Variants in TOR1AIP2 observed in about 807,000 individuals in gnomAD.
The protein encoded by TOR1AIP2 is torsin 1A interacting protein 2, also known as torsin-1A-interacting protein 2.
A neutral mutation model predicts 32.6 loss-of-function variants in TOR1AIP2; 20 were observed. The ratio of observed to expected loss-of-function variants is 0.61; its 90% CI spans 0.43 to 0.89. The LOEUF is 0.89. TOR1AIP2 is among the 40% of genes least tolerant of loss of function. The pLI is 0.00. For synonymous variants in TOR1AIP2, 214 were observed against 210.8 expected (o/e 1.02, Z -0.13); for missense variants, 456 against 553.8 (o/e 0.82, Z 1.77).
Position 179,844,574 on chromosome 1 carries a change from A to G in TOR1AIP2, c.*1497T>C, listed in dbSNP as rs932011097. The G allele has an allele frequency of 4.9e-5, 7 of 141,676 alleles. No homozygotes were observed. Among genetic ancestry groups the G allele is most frequent in the African/African-American group, 2.0e-4 (7 of 35,370 alleles). 8.8% of individuals were successfully genotyped at this position (141,676 alleles called of 1,614,324 possible). A position where few individuals can be genotyped will look rare whatever the true frequency, so the allele number is the denominator to read the frequency against. On this transcript the variant is annotated 3_prime_UTR_variant, in exon 7 of 7. Coordinates refer to ENST00000609928, the MANE Select transcript of TOR1AIP2 (RefSeq NM_001199260.2). ...GTTCTGCTTTCAGAGCTCAAATGCTAATCAACTCTATCTCCATACAAACTG... is the reference window on the plus strand; with the variant it reads ...GTTCTGCTTTCAGAGCTCAAATGCTGATCAACTCTATCTCCATACAAACTG...
chr1:179,868,946 G>T (rs2148454619), intron 2 of TOR1AIP2: 1 of 152,426 alleles, frequency 6.6e-6, no homozygotes, highest in East Asian at 1.9e-4. Flanking sequence ...GAGTTCAAGT[G>T]ATTCTCTTGC....
At chr1:179,847,050 C>T (rs1695934588) in intron 6 of TOR1AIP2, among the ~76,000 whole-genome samples, 1 of 152,078 alleles carries the variant, frequency 6.6e-6, no homozygotes, top group South Asian at 2.1e-4. Flanking sequence ...AAGATAAAAG[C>T]TACGTGGAAG....
At position 179,860,686 on chromosome 1, in the gene TOR1AIP2, G is replaced by C. The variant is rs993142650; in HGVS notation, c.-147+4750C>G. 4 of 984,326 alleles carry C rather than the reference G, an allele frequency of 4.1e-6. No homozygotes were observed. In the African/African-American group the frequency reaches 7.0e-5, roughly 17 times the overall value. 61.0% of individuals were successfully genotyped at this position (984,326 alleles called of 1,614,324 possible). A position where few individuals can be genotyped will look rare whatever the true frequency, so the allele number is the denominator to read the frequency against. On this transcript the variant is annotated intron_variant, in intron 3 of 6. Coordinates refer to ENST00000609928, the MANE Select transcript of TOR1AIP2 (RefSeq NM_001199260.2). ...TTCACAGATGAAGAAACTAGATACA[G>C]AGAGGTTAAAATGCCTAAGGTCATT...
chr1:179,868,845 T>G (rs1477867497), intron 2 of TOR1AIP2: 1 of 152,190 alleles, frequency 6.6e-6, no homozygotes, highest in Admixed American at 6.5e-5. Context: ...ATGTGTTGTT[T>G]AGGGATATTT....
intron 5 of TOR1AIP2, among the ~76,000 whole-genome samples, chr1:179,847,905 C>T (rs1329540095): frequency 6.6e-6 from 1 of 151,950 alleles, no homozygotes; most frequent in Admixed American, 6.6e-5. Flanking sequence ...TGATGGCGGG[C>T]GCCTGTAATC....
At chr1:179,876,193 G>A (rs112113663) in intron 2 of TOR1AIP2, 1 of 152,082 alleles carries the variant, frequency 6.6e-6, no homozygotes, top group Non-Finnish European at 1.5e-5. Context: ...ATAGAATTTT[G>A]ACTTCTGTGT....
rs16854841 is a variant in TOR1AIP2, at chr1:179,845,695, G to A, written c.*376C>T. The A allele has an allele frequency of 0.02, 3,235 of 163,024 alleles. 134 individuals are homozygous for A. Among genetic ancestry groups the A allele is most frequent in the African/African-American group, 0.074 (3,062 of 41,578 alleles). 10.1% of individuals were successfully genotyped at this position (163,024 alleles called of 1,614,324 possible). On this transcript the variant is annotated 3_prime_UTR_variant, in exon 7 of 7. Transcript: ENST00000609928. ...CTTTAGTCCAAGTCCAAACATTATC[G>A]AAAAGGTTCTTCAGAGTCTCACTCA...
chr1:179,851,843 C>A (rs1429544796), intron 4 of TOR1AIP2, among the ~76,000 whole-genome samples: 1 of 152,172 alleles, frequency 6.6e-6, no homozygotes, highest in Admixed American at 6.5e-5. Context: ...TTTTGCCAAA[C>A]AACTAAACTT....
At chr1:179,860,401 G>T in intron 3 of TOR1AIP2, 1 of 907,036 alleles carries the variant, frequency 1.1e-6, no homozygotes, top group Non-Finnish European at 1.3e-6. Flanking sequence ...AGGATCACTT[G>T]AGCCCAGAAG....
chr1:179,871,413 A>G (rs1197136464), intron 2 of TOR1AIP2, among the ~76,000 whole-genome samples: 1 of 152,246 alleles, frequency 6.6e-6, no homozygotes, highest in Admixed American at 6.5e-5. Context: ...TGAAATTTAC[A>G]TCAACTAACC....
intron 3 of TOR1AIP2, chr1:179,862,570 C>T: frequency 1.0e-6 from 1 of 985,456 alleles, no homozygotes; most frequent in Non-Finnish European, 1.2e-6. Flanking sequence ...CTTCAGGTTT[C>T]ACAACATGTA....
At chr1:179,854,586 T>C (rs1470449014) in intron 3 of TOR1AIP2, among the ~76,000 whole-genome samples, 1 of 152,098 alleles carries the variant, frequency 6.6e-6, no homozygotes, top group African/African-American at 2.4e-5. Flanking sequence ...AACTTAAAAA[T>C]AGGGTGGGCA....
intron 3 of TOR1AIP2, among the ~76,000 whole-genome samples, chr1:179,854,687 A>G (rs1162756362): frequency 6.6e-6 from 1 of 152,190 alleles, no homozygotes; most frequent in Non-Finnish European, 1.5e-5. Context: ...CCTGACCAAC[A>G]TGCTGAAACC....
chr1:179,847,984 C>T lies in TOR1AIP2; in HGVS notation c.554-348G>A, dbSNP rs1007264809. 2.1e-5 allele frequency among the ~76,000 whole-genome samples: 3 copies of T among 146,300 alleles called. No homozygotes were observed. In the East Asian group the frequency reaches 6.1e-4, roughly 30 times the overall value. ...GGAGGTGGAGGTTGCAGTGAGCCGA[C>T]ATCGTGCCACTGCACTCCAGCCTGG... is the stretch of plus-strand genomic sequence containing the variant. On this transcript the variant is annotated intron_variant, in intron 5 of 6. Coordinates refer to ENST00000609928, the MANE Select transcript of TOR1AIP2 (RefSeq NM_001199260.2).
At chr1:179,871,697 G>C (rs1697015010) in intron 2 of TOR1AIP2, among the ~76,000 whole-genome samples, 1 of 152,038 alleles carries the variant, frequency 6.6e-6, no homozygotes, top group Non-Finnish European at 1.5e-5. Context: ...AAACTCTCTT[G>C]AATTCCCATT....
At chr1:179,857,836 T>C (rs75237523) in intron 3 of TOR1AIP2, among the ~76,000 whole-genome samples, 4,860 of 152,256 alleles carry the variant, frequency 0.032, 261 homozygotes, top group African/African-American at 0.11. Flanking sequence ...AGTTACTATT[T>C]ATTGAGTGCT....
chr1:179,870,232 A>G (rs1696960412), intron 2 of TOR1AIP2, among the ~76,000 whole-genome samples: 1 of 152,112 alleles, frequency 6.6e-6, no homozygotes. Flanking sequence ...CCCTGTCTCT[A>G]CTAAAAATAC....
intron 3 of TOR1AIP2, chr1:179,859,728 G>T: frequency 1.0e-6 from 1 of 985,370 alleles, no homozygotes; most frequent in Non-Finnish European, 1.2e-6. Context: ...CATCCCTCCA[G>T]GCCTTTTAAT....
At position 179,840,040 on chromosome 1, in the gene TOR1AIP2, A is replaced by G. The variant is rs966869885; in HGVS notation, c.*6031T>C. 6.6e-6 allele frequency: 1 copy of G among 152,250 alleles called. No homozygotes were observed. The highest frequency in any genetic ancestry group is 2.4e-5 in the African/African-American group (1 of 41,468). 9.4% of individuals were successfully genotyped at this position (152,250 alleles called of 1,614,324 possible). On this transcript the variant is annotated 3_prime_UTR_variant, in exon 7 of 7. Transcript: ENST00000609928. Reference sequence around the variant, plus strand: ...TGAATAAGGCACATCATCAGCATCTATAAGAAACAAATACAAAAGCAATCC... The same window carrying G: ...TGAATAAGGCACATCATCAGCATCTGTAAGAAACAAATACAAAAGCAATCC...
Sources: allele counts gnomAD v4.1 joint callset (sites outside exome capture counted in the v4.1 genomes callset), GRCh38; gene constraint gnomAD v4.1.1; transcripts MANE v1.5; gene names NCBI Gene and HGNC (gene_info 2026-07-23, HGNC 2026-07-21).